Variants in COL26A1 observed in about 807,000 individuals in gnomAD.
The protein encoded by COL26A1 is collagen type XXVI alpha 1 chain.
COL26A1 carries 41 observed loss-of-function variants against 59.3 expected under a neutral mutation model. The observed-to-expected ratio is 0.69, with a 90% confidence interval of 0.54 to 0.90. The LOEUF (loss-of-function observed/expected upper bound fraction) is 0.90, where lower values mean the gene tolerates loss of function less well. Ranked by LOEUF, COL26A1 falls within the 40% of genes least tolerant of loss-of-function variation. The pLI is 0.00. For missense variants in COL26A1, 612 were observed against 602.3 expected, an observed-to-expected ratio of 1.02 and a Z score of -0.17; for synonymous variants, 266 against 256.0, an observed-to-expected ratio of 1.04 and a Z score of -0.37.
intron 4 of COL26A1, among the ~76,000 whole-genome samples, chr7:101,534,830 C>A (rs1795448459): frequency 8.5e-6 from 1 of 117,952 alleles, no homozygotes; most frequent in South Asian, 2.4e-4. Context: ...TCTCTCAGAG[C>A]CCCCTTCCTC....
At chr7:101,393,959 T>A (rs1249853646) in intron 1 of COL26A1, among the ~76,000 whole-genome samples, 1 of 151,970 alleles carries the variant, frequency 6.6e-6, no homozygotes, top group African/African-American at 2.4e-5. Context: ...AATTTTTTTT[T>A]TAGAGATGGG....
At chr7:101,528,597 T>C (rs2130629304) in intron 3 of COL26A1, among the ~76,000 whole-genome samples, 1 of 151,822 alleles carries the variant, frequency 6.6e-6, no homozygotes, top group East Asian at 2.0e-4. Flanking sequence ...GCCCAAACTG[T>C]AGTGCAGTGG....
At chr7:101,517,052 T>C (rs12536189) in intron 3 of COL26A1, among the ~76,000 whole-genome samples, 28,760 of 151,990 alleles carry the variant, frequency 0.19, 3,161 homozygotes, top group African/African-American at 0.3. Flanking sequence ...AAAGGTGTGA[T>C]CCTGAGTCTG....
At chr7:101,409,731 T>C (rs1792200864) in intron 1 of COL26A1, among the ~76,000 whole-genome samples, 1 of 152,190 alleles carries the variant, frequency 6.6e-6, no homozygotes, top group African/African-American at 2.4e-5. Context: ...AGGAGATAGT[T>C]CTCAAATCCA....
chr7:101,441,266 A>T (rs1793051883), intron 2 of COL26A1, among the ~76,000 whole-genome samples: 1 of 152,160 alleles, frequency 6.6e-6, no homozygotes, highest in Non-Finnish European at 1.5e-5. Flanking sequence ...CAGTCAGCTT[A>T]TGTAAACCAC....
intron 1 of COL26A1, among the ~76,000 whole-genome samples, chr7:101,365,853 G>A (rs1479830792): frequency 6.6e-6 from 1 of 151,976 alleles, no homozygotes; most frequent in African/African-American, 2.4e-5. Context: ...CCTGAAATAC[G>A]CCTGCAAAAA....
chr7:101,541,356 T>A (rs1795614187), intron 5 of COL26A1, among the ~76,000 whole-genome samples: 1 of 152,252 alleles, frequency 6.6e-6, no homozygotes, highest in South Asian at 2.1e-4. Flanking sequence ...TTTTATTATT[T>A]TATTTTGAGA....
At chr7:101,382,324 G>C (rs2117031575) in intron 1 of COL26A1, among the ~76,000 whole-genome samples, 1 of 152,270 alleles carries the variant, frequency 6.6e-6, no homozygotes, top group South Asian at 2.1e-4. Flanking sequence ...GGGATTACAG[G>C]TATGAGCCAT....
chr7:101,477,873 A>C (rs1207610248), intron 3 of COL26A1, among the ~76,000 whole-genome samples: 5 of 152,198 alleles, frequency 3.3e-5, no homozygotes, highest in Non-Finnish European at 5.9e-5. Context: ...TTCGTGGGTC[A>C]GTAAAATCAG....
chr7:101,542,122 A>G (rs1795630454), intron 5 of COL26A1, among the ~76,000 whole-genome samples: 1 of 151,900 alleles, frequency 6.6e-6, no homozygotes, highest in Admixed American at 6.6e-5. Context: ...ACGCACCACC[A>G]AGCCCCGCTA....
Position 101,554,511 on chromosome 7 carries a change from C to T in COL26A1, c.1080+1135C>T, listed in dbSNP as rs183095191. Among the ~76,000 whole-genome samples, 9 of 146,784 alleles carry T rather than the reference C, an allele frequency of 6.1e-5. No individual in the cohort carries two copies. The South Asian group carries it at 8.7e-4, about 14-fold the overall frequency. On this transcript the variant is annotated intron_variant, in intron 11 of 12. Transcript: ENST00000313669. ...CTTTGGGAGGCTGAGGTAGGAGAAT[C>T]GCTTGAGCCCATGAGATCAAGACCA...
intron 3 of COL26A1, among the ~76,000 whole-genome samples, chr7:101,518,457 G>A (rs530371930): frequency 9.8e-5 from 15 of 152,292 alleles, no homozygotes; most frequent in Non-Finnish European, 1.5e-4. Context: ...CTTTCCCAGT[G>A]ATGAAGAGCA....
intron 3 of COL26A1, among the ~76,000 whole-genome samples, chr7:101,461,319 A>G (rs1175300965): frequency 9.0e-6 from 1 of 111,394 alleles, no homozygotes; most frequent in Non-Finnish European, 1.9e-5. Flanking sequence ...TTTTTTTTTG[A>G]CGGAGTTTCG....
At chr7:101,486,515 C>T (rs1435600238) in intron 3 of COL26A1, among the ~76,000 whole-genome samples, 6 of 152,224 alleles carry the variant, frequency 3.9e-5, no homozygotes, top group Admixed American at 1.3e-4. Flanking sequence ...CAGCCCTCAC[C>T]CGCCCGCCCT....
chr7:101,411,520 A>C (rs764632380), intron 1 of COL26A1, among the ~76,000 whole-genome samples: 21 of 152,106 alleles, frequency 1.4e-4, no homozygotes, highest in Admixed American at 2.6e-4. Flanking sequence ...GTAAGGAGGC[A>C]GGGAAGGGAG....
rs1457852809 is a variant in COL26A1, at chr7:101,541,541, G to A, written c.604+1492G>A. 4.0e-5 allele frequency among the ~76,000 whole-genome samples: 6 copies of A among 149,526 alleles called. 1 individual carries two copies. In the South Asian group the frequency reaches 8.5e-4, roughly 21 times the overall value. On this transcript the variant is annotated intron_variant, in intron 5 of 12. Transcript: ENST00000313669. Reference sequence around the variant, plus strand: ...TTTTTTTTTAATTTTTAGTAGAGACGAGGTCTCACTGCGTTGCCAGGCTGG... The same window carrying A: ...TTTTTTTTTAATTTTTAGTAGAGACAAGGTCTCACTGCGTTGCCAGGCTGG...
chr7:101,429,718 G>A (rs575589694), intron 2 of COL26A1, among the ~76,000 whole-genome samples: 3 of 149,210 alleles, frequency 2.0e-5, no homozygotes, highest in South Asian at 2.1e-4. Context: ...TCAGCCTCCC[G>A]AGTAGCTGAG....
intron 2 of COL26A1, among the ~76,000 whole-genome samples, chr7:101,428,930 T>C (rs568801327): frequency 7.9e-5 from 12 of 151,384 alleles, no homozygotes; most frequent in East Asian, 1.9e-4. Flanking sequence ...TTCTTTCTTT[T>C]TTTTTTTTTT....
intron 2 of COL26A1, among the ~76,000 whole-genome samples, chr7:101,441,716 G>A (rs1793062376): frequency 1.3e-5 from 2 of 152,198 alleles, no homozygotes; most frequent in African/African-American, 4.8e-5. Flanking sequence ...CCCGCCTGGT[G>A]GGTGAGGGCC....
Sources: allele counts gnomAD v4.1 joint callset (sites outside exome capture counted in the v4.1 genomes callset), GRCh38; gene constraint gnomAD v4.1.1; transcripts MANE v1.5; gene names NCBI Gene and HGNC (gene_info 2026-07-23, HGNC 2026-07-21).